CTNNA2: variants seen among roughly 807,000 people sequenced by gnomAD.
CTNNA2 encodes catenin alpha 2, also known as catenin alpha-2.
Under a neutral mutation model 101.0 loss-of-function variants are expected in CTNNA2, and 42 were observed. The ratio of observed to expected loss-of-function variants is 0.42; its 90% CI spans 0.32 to 0.54. The LOEUF (loss-of-function observed/expected upper bound fraction) is 0.54, where lower values mean the gene tolerates loss of function less well. CTNNA2 is among the 20% of genes least tolerant of loss of function. The pLI, the probability that CTNNA2 is intolerant of heterozygous loss-of-function variation, is 0.14. For missense variants in CTNNA2, 871 were observed against 1,223.1 expected (o/e 0.71, Z 4.29); for synonymous variants, 450 against 456.4 (o/e 0.99, Z 0.18).
intron 7 of CTNNA2, among the ~76,000 whole-genome samples, chr2:79,993,974 G>C (rs1320014468): frequency 6.6e-6 from 1 of 152,144 alleles, no homozygotes; most frequent in Non-Finnish European, 1.5e-5. Flanking sequence ...CACTATCACA[G>C]CTCACTGCAG....
chr2:79,440,993 A>T (rs1200379942), intron 4 of CTNNA2, among the ~76,000 whole-genome samples: 2 of 152,218 alleles, frequency 1.3e-5, no homozygotes, highest in African/African-American at 4.8e-5. Context: ...GACAGTTTGT[A>T]CAAGTTGTGG....
upstream of CTNNA2, among the ~76,000 whole-genome samples, chr2:79,509,906 C>T (rs1035366373): frequency 1.2e-4 from 18 of 152,140 alleles, no homozygotes; most frequent in Admixed American, 6.6e-5. Context: ...GAACCTAAAA[C>T]TGCTCCAAAA....
chr2:80,043,835 C>T (rs986162524), intron 7 of CTNNA2, among the ~76,000 whole-genome samples: 7 of 152,248 alleles, frequency 4.6e-5, no homozygotes, highest in Middle Eastern at 3.4e-3. Context: ...TTTTATTATG[C>T]GTCTGTCAAA....
At chr2:80,041,004 TC>T (rs150063019) in intron 7 of CTNNA2, among the ~76,000 whole-genome samples, 3,485 of 152,244 alleles carry the variant, frequency 0.023, 139 homozygotes, top group African/African-American at 0.079. Context: ...ATGGTATAAT[TC>T]TTTGAAATTG....
chr2:79,681,504 C>CTATTGGGTT (rs1430804458), intron 2 of CTNNA2, among the ~76,000 whole-genome samples: 4 of 152,106 alleles, frequency 2.6e-5, no homozygotes, highest in Admixed American at 2.6e-4. Context: ...AGTATACACA[C>CTATTGGGTT]TATTGGGTTT....
chr2:80,476,322 C>G (rs2149492794), intron 9 of CTNNA2, among the ~76,000 whole-genome samples: 1 of 152,212 alleles, frequency 6.6e-6, no homozygotes, highest in South Asian at 2.1e-4. Context: ...CCTTAAGACC[C>G]AAATGGCAGA....
At chr2:80,228,350 G>A (rs1709008660) in intron 7 of CTNNA2, among the ~76,000 whole-genome samples, 1 of 152,104 alleles carries the variant, frequency 6.6e-6, no homozygotes, top group Non-Finnish European at 1.5e-5. Flanking sequence ...GTTTTCATAT[G>A]GTGGAAGGAG....
intron 3 of CTNNA2, among the ~76,000 whole-genome samples, chr2:79,765,378 A>C (rs1424105451): frequency 1.3e-5 from 2 of 152,158 alleles, no homozygotes; most frequent in Non-Finnish European, 2.9e-5. Context: ...CCCTGACTTC[A>C]CATATTCCTT....
At chr2:80,060,336 A>G (rs1334983254) in intron 7 of CTNNA2, among the ~76,000 whole-genome samples, 2 of 152,160 alleles carry the variant, frequency 1.3e-5, no homozygotes, top group Admixed American at 1.3e-4. Context: ...GGCTCCTGCA[A>G]ATTGTGGCTG....
chr2:80,642,173 T>A lies in CTNNA2; in HGVS notation c.2575-5412T>A, dbSNP rs1409136834. 2.0e-5 allele frequency among the ~76,000 whole-genome samples: 3 copies of A among 152,244 alleles called. No individual in the cohort carries two copies. In the South Asian group the frequency reaches 6.2e-4, roughly 32 times the overall value. The stretch of plus-strand genomic sequence containing the variant: ...TGTATACTAAGTTGGACTAGTTAGG[T>A]ATTTGAGAATTGTCCTTCCTCGTCA... On this transcript the variant is annotated intron_variant, in intron 18 of 18. Transcript: ENST00000402739.
chr2:79,363,455 T>A (rs1469486966), intron 3 of CTNNA2, among the ~76,000 whole-genome samples: 1 of 152,198 alleles, frequency 6.6e-6, no homozygotes, highest in Non-Finnish European at 1.5e-5. Flanking sequence ...CATTTCCTCA[T>A]TGGTTGTTTT....
intron 9 of CTNNA2, among the ~76,000 whole-genome samples, chr2:80,472,581 G>A (rs1201621593): frequency 1.3e-5 from 2 of 152,288 alleles, no homozygotes; most frequent in East Asian, 1.9e-4. Flanking sequence ...TAAAGTTTGT[G>A]TCCATTAGGT....
At chr2:80,163,087 A>T (rs2148948603) in intron 7 of CTNNA2, 1 of 1,579,948 alleles carries the variant, frequency 6.3e-7, no homozygotes, top group Non-Finnish European at 8.7e-7. Flanking sequence ...AAATTCACAA[A>T]CGCAAACTGC....
intron 7 of CTNNA2, among the ~76,000 whole-genome samples, chr2:80,199,495 G>T (rs1707067074): frequency 6.6e-6 from 1 of 152,178 alleles, no homozygotes; most frequent in South Asian, 2.1e-4. Context: ...ATTCCTGAGG[G>T]TAGTAACCTG....
intron 7 of CTNNA2, among the ~76,000 whole-genome samples, chr2:80,350,878 C>G (rs1243058206): frequency 6.6e-6 from 1 of 152,096 alleles, no homozygotes; most frequent in Non-Finnish European, 1.5e-5. Context: ...GAATCCAACA[C>G]CTGCACTTTT....
chr2:80,254,495 C>A (rs1671994933), intron 7 of CTNNA2, among the ~76,000 whole-genome samples: 2 of 152,190 alleles, frequency 1.3e-5, no homozygotes. Flanking sequence ...CTGCACAGGT[C>A]TGGCCCTTTG....
intron 3 of CTNNA2, among the ~76,000 whole-genome samples, chr2:79,359,134 T>G (rs1677571460): frequency 6.6e-6 from 1 of 152,122 alleles, no homozygotes; most frequent in Non-Finnish European, 1.5e-5. Flanking sequence ...ACAGACAACT[T>G]TTGATACAGA....
intron 4 of CTNNA2, among the ~76,000 whole-genome samples, chr2:79,420,841 C>A (rs1430947061): frequency 6.6e-6 from 1 of 152,122 alleles, no homozygotes; most frequent in Non-Finnish European, 1.5e-5. Context: ...ATGGTCTTGA[C>A]TGGAACCCAA....
chr2:79,379,206 C>T (rs1380670087), intron 4 of CTNNA2, among the ~76,000 whole-genome samples: 1 of 152,258 alleles, frequency 6.6e-6, no homozygotes, highest in Middle Eastern at 3.4e-3. Flanking sequence ...AATCATAGAT[C>T]CTACTGCACA....
Sources: gnomAD v4.1 joint callset for allele counts (sites outside exome capture counted in the v4.1 genomes callset) on GRCh38, gnomAD v4.1.1 for gene constraint, MANE v1.5 for transcripts, NCBI Gene and HGNC (gene_info 2026-07-23, HGNC 2026-07-21) for gene names.